The following LASP1 variants were observed in gnomAD, a reference collection of about 807,000 sequenced individuals.
LASP1 encodes the protein LIM and SH3 domain protein 1.
LASP1 carries 10 observed loss-of-function variants against 38.6 expected under a neutral mutation model. The ratio of observed to expected loss-of-function variants is 0.26; its 90% confidence interval spans 0.16 to 0.44. The LOEUF is 0.44. LASP1 is among the 20% of genes least tolerant of loss of function. LASP1 has a pLI of 1.00. For missense variants in LASP1, 243 were observed against 375.7 expected (o/e 0.65, Z 2.92); for synonymous variants, 132 against 140.8 (o/e 0.94, Z 0.44).
chr17:38,898,462 A>G lies in LASP1; in HGVS notation c.300A>G (p.Val100=). 1 of 1,551,672 alleles carries G rather than the reference A, an allele frequency of 6.4e-7. No homozygotes were observed. Among genetic ancestry groups the G allele is most frequent in the Non-Finnish European group, 8.7e-7 (1 of 1,146,940 alleles). Residue 100 remains valine (V), a synonymous_variant, in exon 4 of 7, where the codon GTA becomes GTG. Transcript: ENST00000318008. ...AGAACAAGGGCAAAGGTTTCAGCGT[A>G]GTGGCAGACACGCCCGAGCTCCAGA... ...FEKNKGKGFS[V]VADTPELQRI...
intron 2 of LASP1, among the ~76,000 whole-genome samples, chr17:38,883,078 CTG>C (rs1349831686): frequency 6.6e-6 from 1 of 152,108 alleles, no homozygotes; most frequent in Non-Finnish European, 1.5e-5. Flanking sequence ...TTCTAGCAAA[CTG>C]TCTTTAATCC....
intron 3 of LASP1, among the ~76,000 whole-genome samples, chr17:38,892,057 C>A (rs534109476): frequency 1.3e-5 from 2 of 152,180 alleles, no homozygotes; most frequent in Non-Finnish European, 2.9e-5. Flanking sequence ...CCACTACACT[C>A]CAGCCTGGGT....
In LASP1 at chr17:38,890,522, G is replaced by T; in HGVS notation, c.249+18G>T. ...AGAGTCAGGTGAGGGGCTGGGCGGT[G>T]CTGGGGCCTGGCAGGGAGGGATGCT... On this transcript the variant is annotated intron_variant, in intron 3 of 6. Transcript: ENST00000318008. 1 of 1,610,894 alleles carries T rather than the reference G, an allele frequency of 6.2e-7. No individual in the cohort carries two copies. The highest frequency in any genetic ancestry group is 8.5e-7 in the Non-Finnish European group (1 of 1,178,050).
intron 1 of LASP1, among the ~76,000 whole-genome samples, chr17:38,875,556 C>G (rs1052946283): frequency 6.6e-6 from 1 of 152,230 alleles, no homozygotes; most frequent in Middle Eastern, 3.4e-3. Flanking sequence ...TCCAGACTTC[C>G]GGCTGGCCGT....
intron 3 of LASP1, among the ~76,000 whole-genome samples, chr17:38,894,398 G>A (rs757695632): frequency 2.0e-4 from 31 of 152,122 alleles, no homozygotes; most frequent in African/African-American, 3.6e-4. Flanking sequence ...ACTCTTACCC[G>A]AACTAGCTGG....
intron 4 of LASP1, among the ~76,000 whole-genome samples, chr17:38,913,906 G>A (rs1036893882): frequency 6.6e-6 from 1 of 151,960 alleles, no homozygotes; most frequent in Non-Finnish European, 1.5e-5. Context: ...GGAGGCTGAG[G>A]CAGGAGAATC....
At position 38,918,808 on chromosome 17, in the gene LASP1, C is replaced by T. The variant is rs770864438; in HGVS notation, c.*30C>T. The T allele has an allele frequency of 5.6e-6, 9 of 1,609,010 alleles. No homozygotes were observed. Among genetic ancestry groups the T allele is most frequent in the South Asian group, 3.3e-5 (3 of 91,000 alleles). On this transcript the variant is annotated 3_prime_UTR_variant, in exon 7 of 7. Transcript: ENST00000318008. This position sits in a 1 kb window ranked among gnomAD's most constrained non-coding sequence, Gnocchi z 4.4. The stretch of plus-strand genomic sequence containing the variant: ...GCAGCGCCCCCATCTGTCTTCAGCA[C>T]ATTCCACGGCATCGCATCCGTCCTG...
chr17:38,890,289 C>T (rs969395830), intron 2 of LASP1, 131 bp from the exon 3 acceptor site: 19 of 748,784 alleles, frequency 2.5e-5, no homozygotes, highest in Non-Finnish European at 3.8e-5. Context: ...CACTGAAGTC[C>T]TCCTGTGGGG....
intron 2 of LASP1, among the ~76,000 whole-genome samples, chr17:38,882,350 C>T (rs1484512633): frequency 2.0e-5 from 3 of 152,140 alleles, no homozygotes; most frequent in Admixed American, 6.5e-5. Flanking sequence ...CAGGTTCAAG[C>T]GATTCTCCTG....
At chr17:38,913,219 T>C (rs1272372334) in intron 4 of LASP1, among the ~76,000 whole-genome samples, 1 of 152,198 alleles carries the variant, frequency 6.6e-6, no homozygotes, top group African/African-American at 2.4e-5. Flanking sequence ...AGAGACTGAC[T>C]TGAAGGCTTG....
chr17:38,898,966 C>T (rs1485629868), intron 4 of LASP1: 1 of 355,780 alleles, frequency 2.8e-6, no homozygotes, highest in African/African-American at 2.1e-5. Context: ...GCCTGCTCTT[C>T]CTTCCTGTGT....
intron 4 of LASP1, among the ~76,000 whole-genome samples, chr17:38,908,938 C>G (rs1914847510): frequency 6.6e-6 from 1 of 152,242 alleles, no homozygotes; most frequent in Non-Finnish European, 1.5e-5. Flanking sequence ...TGGGACAGCC[C>G]TGATGGGGCA....
rs1365450733 is a variant in LASP1 at position 38,918,884 on chromosome 17, G to C, written c.*106G>C. 7.9e-7 allele frequency: 1 copy of C among 1,264,994 alleles called. No homozygotes were observed. 78.4% of individuals were successfully genotyped at this position (1,264,994 alleles called of 1,614,324 possible). ...TCTCTGTTTTTTAAAACCTGCGACAGCTTGTGATTCCTACCCCTCTTCCAG... is the reference window on the plus strand; with the variant it reads ...TCTCTGTTTTTTAAAACCTGCGACACCTTGTGATTCCTACCCCTCTTCCAG... On this transcript the variant is annotated 3_prime_UTR_variant, in exon 7 of 7. Coordinates refer to ENST00000318008, the MANE Select transcript of LASP1 (RefSeq NM_006148.4). The surrounding 1 kb of genome is among the most constrained non-coding windows in gnomAD (Gnocchi z 4.4).
In LASP1 at chr17:38,921,610, G is replaced by GGC. The variant is rs1454380768; in HGVS notation, c.*2833_*2834insCG. 42 of 232,972 alleles carry GGC rather than the reference G, an allele frequency of 1.8e-4. No homozygotes were observed. The highest frequency in any genetic ancestry group is 9.0e-4 in the African/African-American group (41 of 45,382). 14.4% of individuals were successfully genotyped at this position (232,972 alleles called of 1,614,324 possible). On this transcript the variant is annotated 3_prime_UTR_variant, in exon 7 of 7. Coordinates refer to ENST00000318008, the MANE Select transcript of LASP1 (RefSeq NM_006148.4). ...AAGCCGCCAGTTCATCTTTTTATAT[G>GGC]GGGTTGTTGTCTCATTTTGGTCTGT...
intron 4 of LASP1, among the ~76,000 whole-genome samples, chr17:38,906,913 G>A (rs1278991148): frequency 6.6e-6 from 1 of 152,136 alleles, no homozygotes; most frequent in Non-Finnish European, 1.5e-5. Flanking sequence ...GTCCACAGAG[G>A]CCCAGGACAG....
In LASP1 at chr17:38,877,828, C is replaced by A. The variant is rs575657372; in HGVS notation, c.70-258C>A. 3.3e-5 allele frequency among the ~76,000 whole-genome samples: 5 copies of A among 152,314 alleles called. No homozygotes were observed. In the East Asian group the frequency reaches 9.6e-4, roughly 29 times the overall value. On this transcript the variant is annotated intron_variant, in intron 1 of 6. Coordinates refer to ENST00000318008, the MANE Select transcript of LASP1 (RefSeq NM_006148.4). ...ACTGCTATAACTGGGCTCTTCCCCC[C>A]TGTCCTTCATGCCTGCCTGTCTCTT...
At position 38,918,821 on chromosome 17, in the gene LASP1, C is replaced by T. The variant is rs1294065008; in HGVS notation, c.*43C>T. 5.0e-6 allele frequency: 8 copies of T among 1,602,170 alleles called. No individual in the cohort carries two copies. The highest frequency in any genetic ancestry group is 1.3e-5 in the African/African-American group (1 of 74,796). On this transcript the variant is annotated 3_prime_UTR_variant, in exon 7 of 7. Transcript: ENST00000318008. This position sits in a 1 kb window ranked among gnomAD's most constrained non-coding sequence, Gnocchi z 4.4. Reference sequence around the variant, plus strand: ...CTGTCTTCAGCACATTCCACGGCATCGCATCCGTCCTGGGCGTGACCCGTC... The same window carrying T: ...CTGTCTTCAGCACATTCCACGGCATTGCATCCGTCCTGGGCGTGACCCGTC...
At chr17:38,905,624 G>A (rs1160271929) in intron 4 of LASP1, among the ~76,000 whole-genome samples, 3 of 151,546 alleles carry the variant, frequency 2.0e-5, no homozygotes, top group Non-Finnish European at 2.9e-5. Context: ...CCTCCCACCA[G>A]CAGAGATGAG....
intron 2 of LASP1, among the ~76,000 whole-genome samples, chr17:38,886,115 G>A (rs961832037): frequency 6.8e-6 from 1 of 147,926 alleles, no homozygotes. Context: ...TCTCTCACTC[G>A]CTCTCTCACT....
Sources: gnomAD v4.1 joint callset for allele counts (sites outside exome capture counted in the v4.1 genomes callset) on GRCh38, gnomAD v4.1.1 for gene constraint, Gnocchi (gnomAD v3.1) non-coding constraint, MANE v1.5 for transcripts, NCBI Gene and HGNC (gene_info 2026-07-23, HGNC 2026-07-21) for gene names.